OTUD7B: variants seen among roughly 807,000 people sequenced by gnomAD.
OTUD7B encodes OTU domain-containing protein 7B.
Under a neutral mutation model 82.2 loss-of-function variants are expected in OTUD7B, and 34 were observed. The ratio of observed to expected loss-of-function variants is 0.41; its 90% CI spans 0.31 to 0.55. The LOEUF is 0.55. Among genes scored for constraint, OTUD7B ranks in the 20% least tolerant of loss-of-function variants. The pLI, the probability that OTUD7B is intolerant of heterozygous loss-of-function variation, is 0.20. For missense variants in OTUD7B, 944 were observed against 1,062.1 expected (o/e 0.89, Z 1.55); for synonymous variants, 398 against 402.7 (o/e 0.99, Z 0.14).
intron 10 of OTUD7B, among the ~76,000 whole-genome samples, chr1:149,947,565 G>T (rs1435174499): frequency 6.6e-6 from 1 of 152,102 alleles, no homozygotes; most frequent in Non-Finnish European, 1.5e-5. Flanking sequence ...ATCCTGTAGG[G>T]TTGTTGTAAA....
chr1:150,039,463 C>T, the OTUD7B span, among the ~76,000 whole-genome samples: 2 of 152,008 alleles, frequency 1.3e-5, no homozygotes, highest in African/African-American at 2.4e-5. Context: ...CTGCAAGCTC[C>T]GTCTCCCGGG....
the OTUD7B span, among the ~76,000 whole-genome samples, chr1:150,052,717 A>G: frequency 6.6e-5 from 10 of 152,114 alleles, no homozygotes; most frequent in Admixed American, 6.6e-4. Flanking sequence ...AAAGCCAAAA[A>G]GAACAAACCT....
chr1:149,974,568 T>TTTTTG (rs1205897204), intron 2 of OTUD7B, among the ~76,000 whole-genome samples: 3 of 119,522 alleles, frequency 2.5e-5, no homozygotes, highest in African/African-American at 6.6e-5. Context: ...TTTTTTTTTG[T>TTTTTG]AGACAGAGTC....
chr1:149,969,828 A>G (rs782269972), intron 3 of OTUD7B, among the ~76,000 whole-genome samples: 7 of 152,104 alleles, frequency 4.6e-5, no homozygotes, highest in Non-Finnish European at 1.0e-4. Flanking sequence ...CAGCCTCCCA[A>G]GTAGCTGGGA....
At chr1:150,006,181 G>A (rs1268472754) in intron 1 of OTUD7B, among the ~76,000 whole-genome samples, 59 of 152,214 alleles carry the variant, frequency 3.9e-4, no homozygotes, top group Admixed American at 3.6e-3. Flanking sequence ...TTTTCGGCCC[G>A]GCACACTGGC....
the OTUD7B span, among the ~76,000 whole-genome samples, chr1:150,023,340 C>G: frequency 6.6e-6 from 1 of 152,182 alleles, no homozygotes; most frequent in Non-Finnish European, 1.5e-5. Flanking sequence ...TACGCACTCC[C>G]ATGTTTGTTG....
chr1:150,007,097 T>C (rs1338264734), intron 1 of OTUD7B, among the ~76,000 whole-genome samples: 1 of 152,230 alleles, frequency 6.6e-6, no homozygotes, highest in African/African-American at 2.4e-5. Context: ...ACAGTCACTC[T>C]CATATATTCC....
chr1:149,970,807 G>T (rs781793832), intron 3 of OTUD7B, among the ~76,000 whole-genome samples: 34 of 152,126 alleles, frequency 2.2e-4, no homozygotes, highest in Admixed American at 2.6e-4. Flanking sequence ...ATATCAACAA[G>T]GAGATTGTTA....
chr1:150,018,465 TCTTA>T, the OTUD7B span, among the ~76,000 whole-genome samples: 7 of 152,184 alleles, frequency 4.6e-5, no homozygotes, highest in Non-Finnish European at 1.0e-4. Context: ...GCAGCTCTCC[TCTTA>T]CTTGCCAATA....
At chr1:149,952,822 T>C (rs1553773804) in intron 7 of OTUD7B, among the ~76,000 whole-genome samples, 2 of 152,240 alleles carry the variant, frequency 1.3e-5, no homozygotes, top group East Asian at 1.9e-4. Flanking sequence ...CATTTTTTCA[T>C]GTGTCTGTTG....
chr1:149,951,826 AATG>A (rs1387414933), intron 7 of OTUD7B, among the ~76,000 whole-genome samples: 2 of 152,200 alleles, frequency 1.3e-5, no homozygotes, highest in Admixed American at 1.3e-4. Context: ...CAATACTAGA[AATG>A]ATAATATACT....
chr1:149,988,890 A>G (rs1282906775), intron 1 of OTUD7B, among the ~76,000 whole-genome samples: 3 of 152,214 alleles, frequency 2.0e-5, no homozygotes, highest in Non-Finnish European at 2.9e-5. Flanking sequence ...CACAAGAGAA[A>G]AAAACACTAT....
upstream of OTUD7B, among the ~76,000 whole-genome samples, chr1:150,012,408 C>T (rs1339197427): frequency 6.6e-6 from 1 of 152,174 alleles, no homozygotes; most frequent in Non-Finnish European, 1.5e-5. Context: ...ATTGTGACAA[C>T]AATCACTGAC....
At position 149,944,906 on chromosome 1, in the gene OTUD7B, CCTT is replaced by C. The variant is rs781830858; in HGVS notation, c.1480_1482del (p.Lys494del). Reference sequence around the variant, plus strand: ...GCCACAGAATCTGCTCTCTTCTTGTCCTTCTCCCGATCTCGCTTTGACTTCTCC... The same window carrying C: ...GCCACAGAATCTGCTCTCTTCTTGTCCTCCCGATCTCGCTTTGACTTCTCC... On this transcript the variant is annotated inframe_deletion, in exon 12 of 12. Coordinates refer to ENST00000581312, the MANE Select transcript of OTUD7B (RefSeq NM_020205.4). 1 of 1,614,050 alleles carries C rather than the reference CCTT, an allele frequency of 6.2e-7. No homozygotes were observed. Among genetic ancestry groups the C allele is most frequent in the Admixed American group, 1.7e-5 (1 of 59,992 alleles).
chr1:149,977,276 G>A lies in OTUD7B; in HGVS notation c.85+150C>T, dbSNP rs587690297. On this transcript the variant is annotated intron_variant, in intron 2 of 11. Transcript: ENST00000581312. ...GGATTTTAAAATTTCTAATTATGAC[G>A]GGTTATACACAAAGTATATCATTAG... 16 of 523,516 alleles carry A rather than the reference G, an allele frequency of 3.1e-5. 1 individual carries two copies. Among genetic ancestry groups the A allele is most frequent in the Admixed American group, 9.8e-5 (3 of 30,690 alleles). The allele number at this position is 523,516 out of a possible 1,614,324, so 32.4% of individuals were successfully genotyped here. A position where few individuals can be genotyped will look rare whatever the true frequency, so the allele number is the denominator to read the frequency against.
chr1:150,041,815 C>T, the OTUD7B span, among the ~76,000 whole-genome samples: 10 of 151,876 alleles, frequency 6.6e-5, no homozygotes, highest in Non-Finnish European at 1.2e-4. Flanking sequence ...AATTCCATCC[C>T]CCAACTTTTA....
At chr1:150,044,669 C>CAAAAAA in the OTUD7B span, among the ~76,000 whole-genome samples, 1 of 125,372 alleles carries the variant, frequency 8.0e-6, no homozygotes, top group Non-Finnish European at 1.7e-5. Flanking sequence ...GATTCTGTCT[C>CAAAAAA]AAAAAATAAT....
chr1:150,019,409 C>T, the OTUD7B span, among the ~76,000 whole-genome samples: 1 of 152,112 alleles, frequency 6.6e-6, no homozygotes, highest in Admixed American at 6.6e-5. Context: ...GCTCTGTTGC[C>T]CAGGCTGGAG....
At chr1:150,053,051 A>G in the OTUD7B span, among the ~76,000 whole-genome samples, 5 of 152,214 alleles carry the variant, frequency 3.3e-5, no homozygotes, top group African/African-American at 1.2e-4. Flanking sequence ...GATGGAATAA[A>G]TACTTAAATA....
Sources: gnomAD v4.1 joint callset for allele counts (sites outside exome capture counted in the v4.1 genomes callset) on GRCh38, gnomAD v4.1.1 for gene constraint, MANE v1.5 for transcripts, NCBI Gene and HGNC (gene_info 2026-07-23, HGNC 2026-07-21) for gene names.